The following RBFOX1 variants were observed in gnomAD, a reference collection of about 807,000 sequenced individuals.
The protein encoded by RBFOX1 is RNA binding fox-1 homolog 1.
Under a neutral mutation model 57.7 loss-of-function variants are expected in RBFOX1, and 8 were observed. That is an observed-to-expected ratio of 0.14 (90% CI 0.08 to 0.25). The LOEUF (loss-of-function observed/expected upper bound fraction) is 0.25, where lower values mean the gene tolerates loss of function less well. RBFOX1 is among the 10% of genes least tolerant of loss of function. RBFOX1 has a pLI of 1.00. For missense variants in RBFOX1, 611 were observed against 548.5 expected, an observed-to-expected ratio of 1.11 and a Z score of -1.14; for synonymous variants, 326 against 222.4, an observed-to-expected ratio of 1.47 and a Z score of -4.15.
Position 5,816,151 on chromosome 16 carries a change from C to G in RBFOX1, c.319-51152C>G, listed in dbSNP as rs544883906. 4.1e-4 allele frequency among the ~76,000 whole-genome samples: 62 copies of G among 152,254 alleles called. 1 individual carries two copies. In the Middle Eastern group the frequency reaches 0.01, roughly 25 times the overall value. ...GCAAACAGGGAGTCAGCATTAACCC[C>G]CAGTGGCTCCTTAAAGATGCTCCTC... On this transcript the variant is annotated intron_variant, in intron 3 of 19. Coordinates refer to the RBFOX1 transcript ENST00000641259.
At chr16:6,834,659 A>G (rs2092955498) in intron 3 of RBFOX1, among the ~76,000 whole-genome samples, 1 of 152,156 alleles carries the variant, frequency 6.6e-6, no homozygotes, top group African/African-American at 2.4e-5. Flanking sequence ...ATAAATGTCA[A>G]AATAAGAATT....
At chr16:6,791,912 G>C (rs188374067) in intron 3 of RBFOX1, among the ~76,000 whole-genome samples, 7 of 151,854 alleles carry the variant, frequency 4.6e-5, no homozygotes, top group Middle Eastern at 3.4e-3. Context: ...ATCTAACACA[G>C]AGAGAGAGAG....
chr16:6,160,414 C>T (rs982455089), intron 1 of RBFOX1, among the ~76,000 whole-genome samples: 1 of 152,120 alleles, frequency 6.6e-6, no homozygotes, highest in African/African-American at 2.4e-5. Context: ...ATATACTTGT[C>T]TAAAATAGGG....
chr16:5,831,770 G>C (rs1347945223), intron 3 of RBFOX1, among the ~76,000 whole-genome samples: 1 of 152,048 alleles, frequency 6.6e-6, no homozygotes, highest in Non-Finnish European at 1.5e-5. Context: ...CCCGTGTCAA[G>C]TATTCCTTTT....
chr16:7,549,178 G>T (rs1483763226), intron 5 of RBFOX1, among the ~76,000 whole-genome samples: 1 of 152,206 alleles, frequency 6.6e-6, no homozygotes, highest in Non-Finnish European at 1.5e-5. Flanking sequence ...CCTTGAGGTG[G>T]GAAACACCCT....
intron 4 of RBFOX1, among the ~76,000 whole-genome samples, chr16:5,871,308 C>G (rs547121933): frequency 1.3e-5 from 2 of 152,342 alleles, no homozygotes; most frequent in South Asian, 4.1e-4. Flanking sequence ...CCCAAGCAGC[C>G]TTTAAGAACC....
In RBFOX1 at chr16:5,845,354, T is replaced by C. The variant is rs535974319; in HGVS notation, c.319-21949T>C. On this transcript the variant is annotated intron_variant, in intron 3 of 19. Transcript: ENST00000641259. The stretch of plus-strand genomic sequence containing the variant: ...GGGAATATTCCTCTCCAGCCTGTCT[T>C]GAGTTTCAGATCTCAGCTTGCTTCT... Among the ~76,000 whole-genome samples, 7 of 152,318 alleles carry C rather than the reference T, an allele frequency of 4.6e-5. No individual in the cohort carries two copies. The South Asian group carries it at 1.2e-3, about 27-fold the overall frequency.
At chr16:7,067,131 A>G (rs2056250728) in intron 4 of RBFOX1, among the ~76,000 whole-genome samples, 1 of 152,186 alleles carries the variant, frequency 6.6e-6, no homozygotes, top group African/African-American at 2.4e-5. Context: ...GCAGCCTTCC[A>G]TGCTTGTGAC....
intron 2 of RBFOX1, among the ~76,000 whole-genome samples, chr16:6,336,277 C>G (rs1187329090): frequency 7.2e-6 from 1 of 138,470 alleles, no homozygotes; most frequent in Non-Finnish European, 1.5e-5. Flanking sequence ...CGGCTCACTG[C>G]AAGCTCCGCC....
At chr16:7,495,433 C>G (rs75974297) in intron 4 of RBFOX1, among the ~76,000 whole-genome samples, 4,623 of 152,292 alleles carry the variant, frequency 0.03, 240 homozygotes, top group African/African-American at 0.1. Context: ...TACACACCCA[C>G]CAAAAGTGTA....
chr16:5,800,521 C>T (rs1031861880), intron 3 of RBFOX1, among the ~76,000 whole-genome samples: 4 of 151,952 alleles, frequency 2.6e-5, no homozygotes, highest in Non-Finnish European at 5.9e-5. Context: ...GGCAAGGGCT[C>T]TCCAGCACAA....
At chr16:7,610,118 C>CCTTTTTTTTTTTTTTT (rs71394327) in intron 10 of RBFOX1, among the ~76,000 whole-genome samples, 5 of 65,622 alleles carry the variant, frequency 7.6e-5, no homozygotes, top group Non-Finnish European at 1.3e-4. Context: ...GCCCGGCCCC[C>CCTTTTTTTTTTTTTTT]TTTTTTTTTT....
intron 2 of RBFOX1, among the ~76,000 whole-genome samples, chr16:5,516,804 A>G (rs1226326834): frequency 1.3e-5 from 2 of 151,970 alleles, no homozygotes; most frequent in Non-Finnish European, 2.9e-5. Flanking sequence ...TTTGCTCGGC[A>G]CTCATTCTTC....
chr16:7,241,302 G>C (rs908616297), intron 4 of RBFOX1, among the ~76,000 whole-genome samples: 2 of 152,126 alleles, frequency 1.3e-5, no homozygotes, highest in Non-Finnish European at 2.9e-5. Flanking sequence ...CTCAGCTTGA[G>C]TAATGGGTGT....
chr16:5,409,244 G>A (rs1303073404), intron 1 of RBFOX1, among the ~76,000 whole-genome samples: 1 of 152,200 alleles, frequency 6.6e-6, no homozygotes, highest in African/African-American at 2.4e-5. Flanking sequence ...GCCTTCCTGT[G>A]TGTGGCTGCG....
chr16:5,483,854 A>T (rs1597249850), intron 2 of RBFOX1, among the ~76,000 whole-genome samples: 1 of 152,280 alleles, frequency 6.6e-6, no homozygotes, highest in East Asian at 1.9e-4. Context: ...CTGCCTCAAG[A>T]ATCTCTCACA....
chr16:7,484,193 T>C (rs72773023), intron 4 of RBFOX1, among the ~76,000 whole-genome samples: 1,923 of 152,350 alleles, frequency 0.013, 11 homozygotes, highest in Middle Eastern at 0.031. Flanking sequence ...TGCTGAGTGG[T>C]ACGTCACGGT....
intron 3 of RBFOX1, among the ~76,000 whole-genome samples, chr16:6,883,610 C>A (rs140008171): frequency 6.6e-6 from 1 of 152,208 alleles, no homozygotes; most frequent in Non-Finnish European, 1.5e-5. Context: ...TCAAGCTGTT[C>A]TACTCTGTGT....
intron 3 of RBFOX1, among the ~76,000 whole-genome samples, chr16:6,916,291 C>T (rs1439677262): frequency 1.3e-5 from 2 of 152,020 alleles, no homozygotes; most frequent in Non-Finnish European, 2.9e-5. Context: ...CACAGGATAC[C>T]ATAGTTTGTT....
Sources: allele counts gnomAD v4.1 joint callset (sites outside exome capture counted in the v4.1 genomes callset), GRCh38; gene constraint gnomAD v4.1.1; transcripts MANE v1.5; gene names NCBI Gene and HGNC (gene_info 2026-07-23, HGNC 2026-07-21).